SLFN14: variants seen among roughly 807,000 people sequenced by gnomAD.
SLFN14 encodes the protein schlafen family member 14.
SLFN14 carries 47 observed loss-of-function variants against 58.6 expected under a neutral mutation model. The observed-to-expected ratio is 0.80, with a 90% CI of 0.64 to 1.02. The LOEUF (loss-of-function observed/expected upper bound fraction) is 1.02, where lower values mean the gene tolerates loss of function less well. SLFN14 is among the 50% of genes least tolerant of loss of function. The pLI, the probability that SLFN14 is intolerant of heterozygous loss-of-function variation, is 0.00. For synonymous variants in SLFN14, 390 were observed against 387.3 expected (o/e 1.01, Z -0.08); for missense variants, 967 against 1,078.4 (o/e 0.90, Z 1.45).
At chr17:35,554,147 C>G (rs990454377) in intron 4 of SLFN14, among the ~76,000 whole-genome samples, 52 of 151,714 alleles carry the variant, frequency 3.4e-4, no homozygotes, top group Admixed American at 1.1e-3. Flanking sequence ...CATTGGAAAG[C>G]TAGGGGCAGT....
At position 35,558,023 on chromosome 17, in the gene SLFN14, C is replaced by T. The variant is rs562791403; in HGVS notation, c.40G>A (p.Glu14Lys). The change falls in exon 3 of 6, where the codon GAG becomes AAG. Residue 14 changes from glutamate to lysine, a missense_variant. Physicochemically the swap from Glu to Lys is moderately conservative, Grantham distance 56 (BLOSUM62 1). Transcript: ENST00000674182. ...ACTCTGCCCACATCTACTATTACCT[C>T]AGGATACGGCATTTCAGTATCAGTC... is the stretch of plus-strand genomic sequence containing the variant. ...LKTDTEMPYP[E>K]VIVDVGRVIF... is the part of the protein sequence containing the mutation. 1.9e-6 allele frequency: 3 copies of T among 1,551,514 alleles called. No individual in the cohort carries two copies. The South Asian group carries it at 3.6e-5, about 18-fold the overall frequency.
Position 35,547,949 on chromosome 17 carries a change from T to A in SLFN14, c.*290A>T, listed in dbSNP as rs1229288418. Among the ~76,000 whole-genome samples the A allele has an allele frequency of 2.0e-5, 3 of 152,224 alleles. No individual in the cohort carries two copies. Among genetic ancestry groups the A allele is most frequent in the African/African-American group, 7.2e-5 (3 of 41,456 alleles). ...GTATTACATAAAATCAGTTCTCTAT[T>A]TGAGGAAAAATTCTCTGATGGATGA... On this transcript the variant is annotated 3_prime_UTR_variant, in exon 6 of 6. Transcript: ENST00000674182.
In SLFN14 at chr17:35,559,736, G is replaced by T. The variant is rs1045423592; in HGVS notation, c.-54C>A. Among the ~76,000 whole-genome samples the T allele has an allele frequency of 2.6e-5, 4 of 152,160 alleles. No individual in the cohort carries two copies. Among genetic ancestry groups the T allele is most frequent in the African/African-American group, 9.7e-5 (4 of 41,428 alleles). On this transcript the variant is annotated 5_prime_UTR_variant, in exon 2 of 6. Coordinates refer to ENST00000674182, the MANE Select transcript of SLFN14 (RefSeq NM_001129820.2). ...CATTGTATATACTCACCAAGAGGAAGAAAGCAGGCATCCGGCAAGACATGT... is the reference window on the plus strand; with the variant it reads ...CATTGTATATACTCACCAAGAGGAATAAAGCAGGCATCCGGCAAGACATGT...
At chr17:35,552,637 CATATATATATACACATATATAT>C (rs1234603913) in intron 5 of SLFN14, 71 bp downstream of exon 5, 12 of 395,678 alleles carry the variant, frequency 3.0e-5, no homozygotes, top group African/African-American at 2.7e-4. Context: ...CATATATATA[CATATATATATACACATATATAT>C]ACACATATAT....
At chr17:35,554,825 A>G (rs1392749801) in intron 3 of SLFN14, 121 bp from the exon 4 acceptor site, 2 of 807,606 alleles carry the variant, frequency 2.5e-6, no homozygotes, top group Non-Finnish European at 3.4e-6. Flanking sequence ...GTGCCTGAGC[A>G]GTCGTACTTA....
Position 35,553,424 on chromosome 17 carries a change from A to G in SLFN14, c.1210T>C (p.Phe404Leu). The G allele has an allele frequency of 6.5e-7, 1 of 1,547,728 alleles. No individual in the cohort carries two copies. The highest frequency in any genetic ancestry group is 8.7e-7 in the Non-Finnish European group (1 of 1,144,812). The change falls in exon 5 of 6, where the codon TTT (phenylalanine) becomes CTT (leucine). Residue 404 changes from phenylalanine to leucine, a missense_variant. Physicochemically the swap from Phe to Leu is conservative, Grantham distance 22. Transcript: ENST00000674182. ...LFPVTQEEVQ[F>L]KPESLCKKLF... ...TTCTTACAGAGGGATTCTGGTTTAA[A>G]TTGTACCTCTTCCTGTGTCACTGAA...
chr17:35,553,820 G>T (rs1265746054), intron 4 of SLFN14, among the ~76,000 whole-genome samples: 1 of 152,004 alleles, frequency 6.6e-6, no homozygotes, highest in East Asian at 1.9e-4. Context: ...TGTATTTTTA[G>T]TAGAGACAGC....
intron 4 of SLFN14, 29 bp downstream of exon 4, chr17:35,554,547 T>C: frequency 6.7e-7 from 1 of 1,501,766 alleles, no homozygotes; most frequent in Non-Finnish European, 8.9e-7. Context: ...AAACAAATAG[T>C]CCCCTAAGTT....
At position 35,554,575 on chromosome 17, in the gene SLFN14, C is replaced by T. The variant is rs1272472002; in HGVS notation, c.1189+1G>A. The T allele has an allele frequency of 1.3e-6, 2 of 1,524,490 alleles. No individual in the cohort carries two copies. Among genetic ancestry groups the T allele is most frequent in the Admixed American group, 4.4e-5 (2 of 45,880 alleles). 94.4% of individuals were successfully genotyped at this position (1,524,490 alleles called of 1,614,324 possible). Reference sequence around the variant, plus strand: ...CCTAAGTTGAAATCAAGAGGGAATACCTGGAAACAAATGTCGTTGCAGAGC... The same window carrying T: ...CCTAAGTTGAAATCAAGAGGGAATATCTGGAAACAAATGTCGTTGCAGAGC... On this transcript the variant is annotated splice_donor_variant, in intron 4 of 5. Coordinates refer to ENST00000674182, the MANE Select transcript of SLFN14 (RefSeq NM_001129820.2). LOFTEE classifies it high-confidence loss of function.
intron 2 of SLFN14, among the ~76,000 whole-genome samples, chr17:35,558,538 A>T (rs2072675016): frequency 6.6e-6 from 1 of 151,938 alleles, no homozygotes; most frequent in Non-Finnish European, 1.5e-5. Flanking sequence ...CTGGGATTAC[A>T]GATGTGAGCC....
At chr17:35,552,231 C>G (rs916923482) in intron 5 of SLFN14, among the ~76,000 whole-genome samples, 3 of 151,942 alleles carry the variant, frequency 2.0e-5, no homozygotes, top group African/African-American at 7.3e-5. Flanking sequence ...GGCCAACTTC[C>G]CCAATAGCAC....
rs781066799 is a variant in SLFN14 at position 35,553,083 on chromosome 17, G to T, written c.1551C>A (p.Ser517Arg). The change falls in exon 5 of 6, where the codon AGC becomes AGA. Residue 517 changes from serine to arginine, a missense_variant. Transcript: ENST00000674182. ...CIIPRLIHLS[S>R]TQSRPGEIPL... ...GGATCTCACCAGGTCTACTCTGTGT[G>T]CTGCTCAGGTGTATCAGCCTTGGAA... is the stretch of plus-strand genomic sequence containing the variant. 4.5e-6 allele frequency: 7 copies of T among 1,551,674 alleles called. No homozygotes were observed. Among genetic ancestry groups the T allele is most frequent in the South Asian group, 2.4e-5 (2 of 84,056 alleles).
At chr17:35,558,511 G>A (rs2072674821) in intron 2 of SLFN14, among the ~76,000 whole-genome samples, 3 of 151,304 alleles carry the variant, frequency 2.0e-5, no homozygotes. Flanking sequence ...TCCTGCCTGG[G>A]CCTCCCTCCC....
At position 35,557,312 on chromosome 17, in the gene SLFN14, T is replaced by C; in HGVS notation, c.751A>G (p.Ser251Gly). Residue 251 changes from serine to glycine, a missense_variant, in exon 3 of 6, where the codon AGC becomes GGC. Ser to Gly is a moderately conservative substitution (Grantham distance 56). Coordinates refer to ENST00000674182, the MANE Select transcript of SLFN14 (RefSeq NM_001129820.2). ...GYVLIGVDDK[S>G]KEVVGCKWEK... ...CACTTACATCCAACCACTTCTTTGCTCTTATCATCCACCCCAATGAGGACA... is the reference window on the plus strand; with the variant it reads ...CACTTACATCCAACCACTTCTTTGCCCTTATCATCCACCCCAATGAGGACA... 6.4e-7 allele frequency: 1 copy of C among 1,551,738 alleles called. No homozygotes were observed. Among genetic ancestry groups the C allele is most frequent in the Non-Finnish European group, 8.7e-7 (1 of 1,147,010 alleles).
Position 35,557,455 on chromosome 17 carries a change from T to C in SLFN14, c.608A>G (p.Asn203Ser). ...KDKLMYKEKL[N>S]FTESTHVEFK... ...TTCAACATGTGTTGACTCAGTAAAG[T>C]TGAGTTTCTCCTTATACATGAGTTT... The change falls in exon 3 of 6, where the codon AAC becomes AGC. Residue 203 changes from asparagine (N) to serine (S), a missense_variant. By Grantham distance (46) the Asn-to-Ser change is conservative. Coordinates refer to ENST00000674182, the MANE Select transcript of SLFN14 (RefSeq NM_001129820.2). 6.4e-7 allele frequency: 1 copy of C among 1,551,726 alleles called. No individual in the cohort carries two copies. The highest frequency in any genetic ancestry group is 2.4e-5 in the East Asian group (1 of 40,930).
intron 4 of SLFN14, among the ~76,000 whole-genome samples, chr17:35,554,217 ATATGT>A: frequency 6.6e-6 from 1 of 151,366 alleles, no homozygotes; most frequent in Middle Eastern, 3.4e-3. Context: ...AACAAAAGCC[ATATGT>A]TATGAGAAGT....
rs1288786642 is a variant in SLFN14, at chr17:35,548,448, G to A, written c.2530C>T (p.Pro844Ser). Reference protein sequence around the residue: ...KAMELIETHRPSEVVFSPATG... With the variant: ...KAMELIETHRSSEVVFSPATG... Reference sequence around the variant, plus strand: ...GCCGGGCTAAACACAACCTCTGATGGTCTGTGGGTCTCAATTAATTCCATT... The same window carrying A: ...GCCGGGCTAAACACAACCTCTGATGATCTGTGGGTCTCAATTAATTCCATT... Residue 844 changes from proline (P) to serine (S), a missense_variant, in exon 6 of 6, where the codon CCA (proline) becomes TCA (serine). By Grantham distance (74) the Pro-to-Ser change is moderately conservative. Transcript: ENST00000674182. The A allele has an allele frequency of 1.3e-6, 2 of 1,551,600 alleles. No homozygotes were observed. Among genetic ancestry groups the A allele is most frequent in the African/African-American group, 2.7e-5 (2 of 73,046 alleles).
In SLFN14 at chr17:35,546,947, G is replaced by T. The variant is rs967686528; in HGVS notation, c.*1292C>A. Among the ~76,000 whole-genome samples, 6 of 152,180 alleles carry T rather than the reference G, an allele frequency of 3.9e-5. No individual in the cohort carries two copies. Among genetic ancestry groups the T allele is most frequent in the Non-Finnish European group, 8.8e-5 (6 of 68,022 alleles). Reference sequence around the variant, plus strand: ...GGATCCCCATAAACTCTGAGAGTTGGATTTAAAAATTAGCACCAAGTCATA... The same window carrying T: ...GGATCCCCATAAACTCTGAGAGTTGTATTTAAAAATTAGCACCAAGTCATA... On this transcript the variant is annotated 3_prime_UTR_variant, in exon 6 of 6. Coordinates refer to ENST00000674182, the MANE Select transcript of SLFN14 (RefSeq NM_001129820.2).
rs1164714671 is a variant in SLFN14 at position 35,545,255 on chromosome 17, A to G, written c.*2984T>C. On this transcript the variant is annotated 3_prime_UTR_variant, in exon 6 of 6. Coordinates refer to ENST00000674182, the MANE Select transcript of SLFN14 (RefSeq NM_001129820.2). ...ATACTATCGAATTGAATCATTGTAG[A>G]TTCTAGTTTTCTAAAAGCTACAAGT... 6.6e-6 allele frequency among the ~76,000 whole-genome samples: 1 copy of G among 152,196 alleles called. No individual in the cohort carries two copies. Among genetic ancestry groups the G allele is most frequent in the African/African-American group, 2.4e-5 (1 of 41,446 alleles).
Sources: gnomAD v4.1 joint callset for allele counts (sites outside exome capture counted in the v4.1 genomes callset) on GRCh38, gnomAD v4.1.1 for gene constraint, MANE v1.5 for transcripts, NCBI Gene and HGNC (gene_info 2026-07-23, HGNC 2026-07-21) for gene names.